Variants in TMEM130 observed in about 807,000 individuals in gnomAD.
TMEM130 encodes the protein transmembrane protein 130.
In TMEM130, 37 loss-of-function variants were observed where a neutral mutation model predicts 42.9. That is an observed-to-expected ratio of 0.86 (90% CI 0.66 to 1.13). The LOEUF (loss-of-function observed/expected upper bound fraction) is 1.13. TMEM130 is among the 50% of genes most tolerant of loss of function. The pLI is 0.00. For missense variants in TMEM130, 545 were observed against 562.6 expected (o/e 0.97, Z 0.32); for synonymous variants, 259 against 237.7 (o/e 1.09, Z -0.82).
chr7:98,859,051 A>G (rs1457323883), intron 3 of TMEM130, among the ~76,000 whole-genome samples: 2 of 146,918 alleles, frequency 1.4e-5, no homozygotes, highest in African/African-American at 5.0e-5. Context: ...GGAAGGGAGA[A>G]AGAAGAAAGA....
At chr7:98,850,273 A>ATATATATATATATTTTTTTTTTTT in intron 6 of TMEM130, among the ~76,000 whole-genome samples, 3 of 35,462 alleles carry the variant, frequency 8.5e-5, no homozygotes, top group Non-Finnish European at 1.3e-4. Context: ...ATATATATAT[A>ATATATATATATATTTTTTTTTTTT]TTTTTTTTTT....
intron 1 of TMEM130, among the ~76,000 whole-genome samples, chr7:98,864,891 A>T (rs1342866273): frequency 1.3e-5 from 2 of 152,042 alleles, no homozygotes; most frequent in African/African-American, 4.8e-5. Context: ...CAAGAGTGAG[A>T]CTCCGTCTCA....
At chr7:98,859,977 G>A (rs1280758885) in intron 3 of TMEM130, among the ~76,000 whole-genome samples, 2 of 151,690 alleles carry the variant, frequency 1.3e-5, no homozygotes, top group Non-Finnish European at 2.9e-5. Flanking sequence ...GCTGAGGCAG[G>A]AGAATCACTT....
Position 98,847,041 on chromosome 7 carries a change from T to G in TMEM130, c.*1015A>C, listed in dbSNP as rs1261735612. 1.3e-5 allele frequency: 2 copies of G among 151,972 alleles called. No individual in the cohort carries two copies. Among genetic ancestry groups the G allele is most frequent in the African/African-American group, 2.4e-5 (1 of 41,354 alleles). 9.4% of individuals were successfully genotyped at this position (151,972 alleles called of 1,614,324 possible). On this transcript the variant is annotated 3_prime_UTR_variant, in exon 8 of 8. Transcript: ENST00000339375. ...CGGCTAACTTTTTGTATTTTTTTAG[T>G]AGAGACGGGGTTTCACCGTGTTAGC...
chr7:98,850,271 A>T (rs59446927), intron 6 of TMEM130, among the ~76,000 whole-genome samples: 16,412 of 32,554 alleles, frequency 0.5, 2,776 homozygotes, highest in East Asian at 0.58. Context: ...ATATATATAT[A>T]TATTTTTTTT....
Position 98,851,452 on chromosome 7 carries a change from A to T in TMEM130, c.975T>A (p.His325Gln). The T allele has an allele frequency of 6.2e-7, 1 of 1,613,954 alleles. No homozygotes were observed. The highest frequency in any genetic ancestry group is 1.6e-4 in the Middle Eastern group (1 of 6,062). Residue 325 changes from histidine to glutamine, a missense_variant, in exon 6 of 8, where the codon CAT becomes CAA. Transcript: ENST00000339375. ...GCCACACCTGGATCTTGTGGTACTG[A>T]TGTGTCTTGCTGATGATATTCTCGG... is the stretch of plus-strand genomic sequence containing the variant. ...IRAENIISKTHQYHKIQVWPS... is the reference protein window; with the variant it reads ...IRAENIISKTQQYHKIQVWPS...
At chr7:98,867,138 A>T (rs1485279414) in intron 1 of TMEM130, among the ~76,000 whole-genome samples, 1 of 152,092 alleles carries the variant, frequency 6.6e-6, no homozygotes, top group Non-Finnish European at 1.5e-5. Flanking sequence ...TTGAGTCAAG[A>T]TGCCGAGAGC....
At chr7:98,859,101 A>G (rs1313906651) in intron 3 of TMEM130, among the ~76,000 whole-genome samples, 1 of 133,732 alleles carries the variant, frequency 7.5e-6, no homozygotes, top group African/African-American at 2.8e-5. Flanking sequence ...AGGAAGAAAA[A>G]GAAGGAAGAA....
At chr7:98,850,474 T>G (rs2116065295) in intron 6 of TMEM130, among the ~76,000 whole-genome samples, 1 of 151,546 alleles carries the variant, frequency 6.6e-6, no homozygotes, top group South Asian at 2.1e-4. Flanking sequence ...GAGACAGGTT[T>G]TGCCATGTTG....
In TMEM130 at chr7:98,848,624, T is replaced by G. The variant is rs782314882; in HGVS notation, c.1078A>C (p.Met360Leu). Residue 360 changes from methionine to leucine, a missense_variant, in exon 7 of 8, where the codon ATG becomes CTG. Coordinates refer to ENST00000339375, the MANE Select transcript of TMEM130 (RefSeq NM_152913.3). ...ITVMLAFIMY[M>L]TLRNATQQKD... ...TGCTGAGTGGCATTCCGCAGGGTCA[T>G]GTACATGATGAAGGCCAACATCACA... The G allele has an allele frequency of 5.0e-6, 8 of 1,614,066 alleles. No individual in the cohort carries two copies. The highest frequency in any genetic ancestry group is 4.4e-5 in the South Asian group (4 of 91,078).
chr7:98,851,383 C>A, intron 6 of TMEM130, 38 bp downstream of exon 6: 1 of 1,602,470 alleles, frequency 6.2e-7, no homozygotes, highest in Non-Finnish European at 8.5e-7. Context: ...CTTGTGCTGC[C>A]CATGTGGCAC....
intron 1 of TMEM130, chr7:98,866,589 TAGAAGC>T (rs1794914058): frequency 6.6e-6 from 1 of 151,666 alleles, no homozygotes; most frequent in Non-Finnish European, 1.5e-5. Flanking sequence ...GCCCGGGGAG[TAGAAGC>T]AGGAATCGAG....
chr7:98,859,016 GGGAA>G (rs567073057), intron 3 of TMEM130, among the ~76,000 whole-genome samples: 57 of 145,936 alleles, frequency 3.9e-4, no homozygotes, highest in African/African-American at 8.9e-4. Context: ...GAGAGGAAGG[GGGAA>G]GGAAGGAAGG....
At chr7:98,851,311 C>A (rs1160523429) in intron 6 of TMEM130, 110 bp downstream of exon 6, 4 of 1,130,026 alleles carry the variant, frequency 3.5e-6, no homozygotes, top group Non-Finnish European at 5.3e-6. Context: ...GGCTTTGTTG[C>A]TGAGGACCTT....
In TMEM130 at chr7:98,851,276, G is replaced by C. The variant is rs528690025; in HGVS notation, c.1006+145C>G. On this transcript the variant is annotated intron_variant, in intron 6 of 7. Transcript: ENST00000339375. ...GTTGGCGGTCACTGGAGTCAGTGGG[G>C]TTATGGATGGTGCTGATGCTAGCGG... The C allele has an allele frequency of 1.2e-5, 9 of 778,740 alleles. No homozygotes were observed. In the East Asian group the frequency reaches 2.3e-4, roughly 20 times the overall value. 48.2% of individuals were successfully genotyped at this position (778,740 alleles called of 1,614,324 possible).
At position 98,847,517 on chromosome 7, in the gene TMEM130, T is replaced by A. The variant is rs1403384754; in HGVS notation, c.*539A>T. ...GTGTTTATATTTCTGTGTGTGTGTGTGTGTGTGTGTGTGTGTGTGTGTGTG... is the reference window on the plus strand; with the variant it reads ...GTGTTTATATTTCTGTGTGTGTGTGAGTGTGTGTGTGTGTGTGTGTGTGTG... On this transcript the variant is annotated 3_prime_UTR_variant, in exon 8 of 8. Coordinates refer to ENST00000339375, the MANE Select transcript of TMEM130 (RefSeq NM_152913.3). 2 of 138,500 alleles carry A rather than the reference T, an allele frequency of 1.4e-5. No individual in the cohort carries two copies. Among genetic ancestry groups the A allele is most frequent in the Non-Finnish European group, 1.5e-5 (1 of 64,592 alleles). 8.6% of individuals were successfully genotyped at this position (138,500 alleles called of 1,614,324 possible). A position where few individuals can be genotyped will look rare whatever the true frequency, so the allele number is the denominator to read the frequency against.
intron 5 of TMEM130, among the ~76,000 whole-genome samples, chr7:98,852,568 T>A (rs1214891925): frequency 6.6e-6 from 1 of 151,314 alleles, no homozygotes; most frequent in African/African-American, 2.4e-5. Flanking sequence ...CATGAGAGAG[T>A]TGTTTTTTGT....
intron 6 of TMEM130, among the ~76,000 whole-genome samples, chr7:98,850,273 A>ATATATATATTTT: frequency 1.4e-4 from 5 of 35,454 alleles, no homozygotes; most frequent in Non-Finnish European, 3.2e-4. Flanking sequence ...ATATATATAT[A>ATATATATATTTT]TTTTTTTTTT....
chr7:98,857,807 C>T (rs1794670026), intron 3 of TMEM130, among the ~76,000 whole-genome samples: 1 of 149,436 alleles, frequency 6.7e-6, no homozygotes, highest in Non-Finnish European at 1.5e-5. Context: ...TCACTGCAAC[C>T]TCCTCCTACC....
Sources: allele counts gnomAD v4.1 joint callset (sites outside exome capture counted in the v4.1 genomes callset), GRCh38; gene constraint gnomAD v4.1.1; transcripts MANE v1.5; gene names NCBI Gene and HGNC (gene_info 2026-07-23, HGNC 2026-07-21).